The following LDLRAD3 variants were observed in gnomAD, a reference collection of about 807,000 sequenced individuals.
LDLRAD3 encodes the protein low density lipoprotein receptor class A domain containing 3, also known as low-density lipoprotein receptor class A domain-containing protein 3.
In LDLRAD3, 20 loss-of-function variants were observed where a neutral mutation model predicts 29.4. The observed-to-expected ratio is 0.68, with a 90% CI of 0.48 to 0.99. The LOEUF (loss-of-function observed/expected upper bound fraction) is 0.99, where lower values mean the gene tolerates loss of function less well. LDLRAD3 is among the 50% of genes least tolerant of loss of function. The pLI is 0.00. For missense variants in LDLRAD3, 420 were observed against 454.3 expected (o/e 0.92, Z 0.69); for synonymous variants, 157 against 192.7 (o/e 0.81, Z 1.53).
At chr11:36,219,040 A>C (rs930436346) in intron 4 of LDLRAD3, among the ~76,000 whole-genome samples, 1 of 152,250 alleles carries the variant, frequency 6.6e-6, no homozygotes, top group Non-Finnish European at 1.5e-5. Flanking sequence ...AACTATGGCC[A>C]GTGGGCCAAA....
chr11:36,209,609 C>T (rs770617473), intron 4 of LDLRAD3, among the ~76,000 whole-genome samples: 11 of 152,160 alleles, frequency 7.2e-5, no homozygotes, highest in South Asian at 6.2e-4. Flanking sequence ...CCACCTGCCT[C>T]GGCCTCCCAA....
chr11:35,945,908 T>C (rs1378118368), intron 1 of LDLRAD3, among the ~76,000 whole-genome samples: 1 of 152,168 alleles, frequency 6.6e-6, no homozygotes, highest in Non-Finnish European at 1.5e-5. Context: ...ATAAATAAAA[T>C]GGTCATAGCA....
chr11:36,017,535 CTTTT>C (rs60585852), intron 1 of LDLRAD3, among the ~76,000 whole-genome samples: 45 of 129,696 alleles, frequency 3.5e-4, no homozygotes, highest in Admixed American at 4.7e-4. Flanking sequence ...ATTTTATCAT[CTTTT>C]TTTTTTTTTT....
intron 1 of LDLRAD3, among the ~76,000 whole-genome samples, chr11:36,016,095 G>T (rs1852018988): frequency 6.6e-6 from 1 of 152,224 alleles, no homozygotes; most frequent in Non-Finnish European, 1.5e-5. Context: ...ATCAGAGTCA[G>T]AGGCATCCCA....
intron 4 of LDLRAD3, among the ~76,000 whole-genome samples, chr11:36,149,704 A>G (rs1854248837): frequency 6.6e-6 from 1 of 152,210 alleles, no homozygotes; most frequent in Non-Finnish European, 1.5e-5. Context: ...GTAATTGGGT[A>G]GAAAACCATC....
At chr11:36,071,522 A>G (rs117460086) in intron 2 of LDLRAD3, among the ~76,000 whole-genome samples, 5,125 of 152,318 alleles carry the variant, frequency 0.034, 184 homozygotes, top group Admixed American at 0.11. Flanking sequence ...AGACACAGTA[A>G]AGTTACCCTT....
intron 1 of LDLRAD3, among the ~76,000 whole-genome samples, chr11:35,959,050 C>T (rs139743780): frequency 2.6e-5 from 4 of 152,278 alleles, no homozygotes; most frequent in East Asian, 3.9e-4. Flanking sequence ...AAGATGGTGT[C>T]GGTACCATAG....
chr11:36,088,589 A>G (rs1853230566), intron 3 of LDLRAD3, among the ~76,000 whole-genome samples: 1 of 152,156 alleles, frequency 6.6e-6, no homozygotes, highest in Admixed American at 6.5e-5. Flanking sequence ...CTGTAGCTCT[A>G]TTCATGTCAA....
At chr11:36,013,845 T>C (rs546900274) in intron 1 of LDLRAD3, among the ~76,000 whole-genome samples, 4 of 152,222 alleles carry the variant, frequency 2.6e-5, no homozygotes, top group African/African-American at 7.2e-5. Flanking sequence ...TGCCTTGAAA[T>C]CTTTCTGCCT....
At chr11:36,041,881 G>A (rs1852386881) in intron 2 of LDLRAD3, among the ~76,000 whole-genome samples, 1 of 149,452 alleles carries the variant, frequency 6.7e-6, no homozygotes, top group African/African-American at 2.4e-5. Context: ...GTTTGGTTGA[G>A]GGGGGTGTGG....
intron 4 of LDLRAD3, among the ~76,000 whole-genome samples, chr11:36,187,113 T>C (rs1406570246): frequency 6.6e-6 from 1 of 152,204 alleles, no homozygotes; most frequent in African/African-American, 2.4e-5. Flanking sequence ...CCATCTTTCC[T>C]TGGCTTCCTA....
chr11:36,111,811 G>T (rs1475730493), intron 4 of LDLRAD3, among the ~76,000 whole-genome samples: 1 of 152,192 alleles, frequency 6.6e-6, no homozygotes, highest in Non-Finnish European at 1.5e-5. Flanking sequence ...TCTTGGCCAG[G>T]CTGGCCTGGA....
At chr11:36,124,164 G>A (rs7108438) in intron 4 of LDLRAD3, among the ~76,000 whole-genome samples, 91,957 of 152,108 alleles carry the variant, frequency 0.6, 28,863 homozygotes, top group Non-Finnish European at 0.7. Flanking sequence ...GCCTGTCACC[G>A]TAATAGCTAC....
intron 4 of LDLRAD3, among the ~76,000 whole-genome samples, chr11:36,212,551 C>CAAAAA (rs34139512): frequency 1.6e-5 from 2 of 123,232 alleles, no homozygotes; most frequent in African/African-American, 5.8e-5. Context: ...GACCCTGTCT[C>CAAAAA]AAAAAAAAAA....
chr11:35,957,282 C>T (rs1416835096), intron 1 of LDLRAD3, among the ~76,000 whole-genome samples: 2 of 152,202 alleles, frequency 1.3e-5, no homozygotes, highest in Non-Finnish European at 2.9e-5. Context: ...TCCCATGTTA[C>T]ACTAATCTAC....
At chr11:36,137,693 T>A (rs183604252) in intron 4 of LDLRAD3, among the ~76,000 whole-genome samples, 2 of 152,228 alleles carry the variant, frequency 1.3e-5, no homozygotes, top group African/African-American at 4.8e-5. Context: ...ATTCACATGA[T>A]AGATGAGTAC....
intron 4 of LDLRAD3, among the ~76,000 whole-genome samples, chr11:36,157,532 T>C (rs1248082870): frequency 1.3e-5 from 2 of 152,220 alleles, no homozygotes; most frequent in Admixed American, 1.3e-4. Context: ...CAGATGAACA[T>C]TGGTTAGGCC....
chr11:35,950,631 G>A (rs1851119494), intron 1 of LDLRAD3, among the ~76,000 whole-genome samples: 1 of 152,076 alleles, frequency 6.6e-6, no homozygotes, highest in Non-Finnish European at 1.5e-5. Context: ...TGAGGGACTG[G>A]GATCATATAT....
intron 3 of LDLRAD3, among the ~76,000 whole-genome samples, chr11:36,095,298 C>T (rs910269876): frequency 4.6e-5 from 7 of 152,212 alleles, no homozygotes; most frequent in East Asian, 3.8e-4. Context: ...CCTAGGTGGA[C>T]GTACCAATTT....
Sources: gnomAD v4.1 joint callset for allele counts (sites outside exome capture counted in the v4.1 genomes callset) on GRCh38, gnomAD v4.1.1 for gene constraint, MANE v1.5 for transcripts, NCBI Gene and HGNC (gene_info 2026-07-23, HGNC 2026-07-21) for gene names.